The following SLC25A51 variants were observed in gnomAD, a reference collection of about 807,000 sequenced individuals.
SLC25A51 encodes mitochondrial nicotinamide adenine dinucleotide transporter SLC25A51.
Under a neutral mutation model 19.1 loss-of-function variants are expected in SLC25A51, and 11 were observed. That is an observed-to-expected ratio of 0.58 (90% confidence interval 0.36 to 0.96). The LOEUF is 0.96. SLC25A51 is among the 40% of genes least tolerant of loss of function. The pLI, the probability that SLC25A51 is intolerant of heterozygous loss-of-function variation, is 0.01. For synonymous variants in SLC25A51, 105 were observed against 133.6 expected (o/e 0.79, Z 1.47); for missense variants, 201 against 365.4 (o/e 0.55, Z 3.67).
downstream of SLC25A51, chr9:37,886,196 CCA>C: frequency 6.5e-7 from 1 of 1,532,858 alleles, no homozygotes; most frequent in Non-Finnish European, 9.0e-7. Flanking sequence ...AATGCGGCAG[CCA>C]CAGACTGACA....
At chr9:37,897,482 T>C (rs1373129702) in intron 2 of SLC25A51, among the ~76,000 whole-genome samples, 1 of 152,166 alleles carries the variant, frequency 6.6e-6, no homozygotes, top group Non-Finnish European at 1.5e-5. Flanking sequence ...ATTCTTACTA[T>C]GTCTCAGTTT....
chr9:37,890,563 G>T (rs565263569), intron 2 of SLC25A51, among the ~76,000 whole-genome samples: 1 of 152,130 alleles, frequency 6.6e-6, no homozygotes, highest in African/African-American at 2.4e-5. Flanking sequence ...AAATTTTTGG[G>T]GCATGATGGC....
chr9:37,883,555 C>A (rs1186618927), downstream of SLC25A51, among the ~76,000 whole-genome samples: 1 of 152,152 alleles, frequency 6.6e-6, no homozygotes, highest in Non-Finnish European at 1.5e-5. Context: ...AAAAGGAAGC[C>A]CAACAAAACC....
At chr9:37,900,590 G>C (rs1227286410) in intron 1 of SLC25A51, among the ~76,000 whole-genome samples, 1 of 151,888 alleles carries the variant, frequency 6.6e-6, no homozygotes, top group Non-Finnish European at 1.5e-5. Flanking sequence ...CACCATGCTT[G>C]GCTAACTTTT....
At chr9:37,898,006 C>T (rs1831758406) in intron 2 of SLC25A51, among the ~76,000 whole-genome samples, 1 of 152,174 alleles carries the variant, frequency 6.6e-6, no homozygotes, top group African/African-American at 2.4e-5. Flanking sequence ...ACAAATCATG[C>T]CAAAAACCCC....
chr9:37,885,164 C>G (rs1331162272), downstream of SLC25A51, among the ~76,000 whole-genome samples: 1 of 151,866 alleles, frequency 6.6e-6, no homozygotes, highest in Non-Finnish European at 1.5e-5. Flanking sequence ...GCCTGAGGAG[C>G]CCCTGGCCCC....
downstream of SLC25A51, among the ~76,000 whole-genome samples, chr9:37,884,239 C>A (rs559404202): frequency 1.3e-5 from 2 of 152,158 alleles, no homozygotes; most frequent in Non-Finnish European, 2.9e-5. Flanking sequence ...GGAAGTGGCA[C>A]AAGTTTCATC....
chr9:37,889,565 A>C (rs368176924), intron 2 of SLC25A51, among the ~76,000 whole-genome samples: 56 of 152,084 alleles, frequency 3.7e-4, no homozygotes, highest in African/African-American at 1.3e-3. Context: ...TTCCAGTTTT[A>C]CAAATGAATA....
At position 37,888,333 on chromosome 9, in the gene SLC25A51, C is replaced by T. The variant is rs368589487; in HGVS notation, c.218G>A (p.Arg73Lys). Residue 73 changes from arginine to lysine, a missense_variant, in exon 3 of 3, where the codon AGA becomes AAA. Coordinates refer to ENST00000242275, the MANE Select transcript of SLC25A51 (RefSeq NM_033412.4). The part of the protein sequence containing the change: ...IKTRDAILQL[R>K]RDGFRNLYRG... ...ATACAAATTTCGAAATCCATCCCTTCTCAACTGAAGTATTGCATCCCGGGT... is the reference window on the plus strand; with the variant it reads ...ATACAAATTTCGAAATCCATCCCTTTTCAACTGAAGTATTGCATCCCGGGT... 3.8e-5 allele frequency: 61 copies of T among 1,614,132 alleles called. No individual in the cohort carries two copies. Among genetic ancestry groups the T allele is most frequent in the Non-Finnish European group, 5.1e-5 (60 of 1,180,062 alleles).
chr9:37,898,373 T>C (rs1831767637), intron 2 of SLC25A51, among the ~76,000 whole-genome samples: 4 of 152,172 alleles, frequency 2.6e-5, no homozygotes, highest in Admixed American at 2.6e-4. Context: ...CTGACCAACA[T>C]GGAGAAATCC....
At chr9:37,900,702 G>A (rs925836851) in intron 1 of SLC25A51, among the ~76,000 whole-genome samples, 1 of 151,654 alleles carries the variant, frequency 6.6e-6, no homozygotes, top group African/African-American at 2.4e-5. Context: ...ACAAGCCACT[G>A]CACCCATCCA....
intron 1 of SLC25A51, among the ~76,000 whole-genome samples, chr9:37,902,914 G>A (rs1831886672): frequency 6.6e-6 from 1 of 152,234 alleles, no homozygotes; most frequent in African/African-American, 2.4e-5. Flanking sequence ...CTCAAAGGAT[G>A]TGAATTTCCA....
chr9:37,894,395 C>A (rs1831665846), intron 2 of SLC25A51, among the ~76,000 whole-genome samples: 1 of 150,738 alleles, frequency 6.6e-6, no homozygotes, highest in Non-Finnish European at 1.5e-5. Flanking sequence ...GGTGCGATCT[C>A]GGCTCACTGC....
intron 2 of SLC25A51, among the ~76,000 whole-genome samples, chr9:37,898,304 C>T (rs907431728): frequency 2.6e-5 from 4 of 152,118 alleles, no homozygotes; most frequent in Admixed American, 6.5e-5. Context: ...GCCTGTAATC[C>T]CAGCACTTTG....
downstream of SLC25A51, chr9:37,878,985 TG>T: frequency 4.2e-6 from 1 of 237,582 alleles, no homozygotes. Context: ...AAACTTTGCG[TG>T]GGTTGTAGAG....
downstream of SLC25A51, among the ~76,000 whole-genome samples, chr9:37,885,355 A>C (rs541396518): frequency 0.12 from 18,531 of 149,848 alleles, 1,493 homozygotes; most frequent in South Asian, 0.22. Flanking sequence ...AAAAAAAAAA[A>C]AAAAAAAAAA....
At chr9:37,891,985 A>C (rs1269523484) in intron 2 of SLC25A51, among the ~76,000 whole-genome samples, 1 of 152,022 alleles carries the variant, frequency 6.6e-6, no homozygotes, top group Non-Finnish European at 1.5e-5. Context: ...TCAATAGTAA[A>C]AGACACAATG....
chr9:37,900,622 G>C (rs976084888), intron 1 of SLC25A51, among the ~76,000 whole-genome samples: 1 of 152,032 alleles, frequency 6.6e-6, no homozygotes, highest in Non-Finnish European at 1.5e-5. Context: ...TTTTAGCAGA[G>C]AGGGGGCCTT....
chr9:37,896,284 G>C (rs1319607094), intron 2 of SLC25A51, among the ~76,000 whole-genome samples: 1 of 151,728 alleles, frequency 6.6e-6, no homozygotes, highest in African/African-American at 2.4e-5. Context: ...TTTCCACAAA[G>C]AGCCTGGTAT....
Sources: allele counts gnomAD v4.1 joint callset (sites outside exome capture counted in the v4.1 genomes callset), GRCh38; gene constraint gnomAD v4.1.1; transcripts MANE v1.5; gene names NCBI Gene and HGNC (gene_info 2026-07-23, HGNC 2026-07-21).